CALU: variants seen among roughly 807,000 people sequenced by gnomAD.
The protein encoded by CALU is IEF SSP 9302.
Under a neutral mutation model 37.5 loss-of-function variants are expected in CALU, and 13 were observed. The ratio of observed to expected loss-of-function variants is 0.35; its 90% CI spans 0.23 to 0.55. CALU has a LOEUF of 0.55. CALU is among the 20% of genes least tolerant of loss of function. The pLI is 0.89. For missense variants in CALU, 282 were observed against 391.7 expected, an observed-to-expected ratio of 0.72 and a Z score of 2.36; for synonymous variants, 114 against 133.8, an observed-to-expected ratio of 0.85 and a Z score of 1.02.
chr7:128,759,749 C>G lies in CALU; in HGVS notation c.583-43C>G, dbSNP rs750515187. ...ATACTTTACTTTCTTCTGGCAAATTCAGAGACCAACTTAATAGTCTCTTCT... is the reference window on the plus strand; with the variant it reads ...ATACTTTACTTTCTTCTGGCAAATTGAGAGACCAACTTAATAGTCTCTTCT... On this transcript the variant is annotated intron_variant, in intron 4 of 6. Transcript: ENST00000249364. 9 of 969,450 alleles carry G rather than the reference C, an allele frequency of 9.3e-6. No individual in the cohort carries two copies. The Admixed American group carries it at 1.6e-4, about 17-fold the overall frequency. The allele number at this position is 969,450 out of a possible 1,614,324, so 60.1% of individuals were successfully genotyped here.
chr7:128,764,654 A>T (rs538638571), intron 5 of CALU, among the ~76,000 whole-genome samples: 1 of 152,194 alleles, frequency 6.6e-6, no homozygotes, highest in African/African-American at 2.4e-5. Context: ...TGAAAGTGGC[A>T]TTGTGGGTAT....
chr7:128,765,376 A>G (rs1195257378), intron 5 of CALU, among the ~76,000 whole-genome samples: 1 of 152,112 alleles, frequency 6.6e-6, no homozygotes, highest in African/African-American at 2.4e-5. Context: ...GCATGCTGCC[A>G]TGCCTGGCTA....
In CALU at chr7:128,769,314, C is replaced by T. The variant is rs1292735439; in HGVS notation, c.*147C>T. The T allele has an allele frequency of 7.3e-6, 4 of 545,714 alleles. No homozygotes were observed. The East Asian group carries it at 1.2e-4, about 17-fold the overall frequency. The allele number at this position is 545,714 out of a possible 1,614,324, so 33.8% of individuals were successfully genotyped here. A position where few individuals can be genotyped will look rare whatever the true frequency, so the allele number is the denominator to read the frequency against. On this transcript the variant is annotated 3_prime_UTR_variant, in exon 7 of 7. Coordinates refer to ENST00000249364, the MANE Select transcript of CALU (RefSeq NM_001219.5). ...TGAAAACCATCCCGTCCCCATTCCT[C>T]CTCCTCTCTGAGGGACTGGAGGGAA...
chr7:128,761,686 T>C (rs1192687878), intron 5 of CALU: 6 of 152,358 alleles, frequency 3.9e-5, no homozygotes, highest in South Asian at 2.1e-4. Flanking sequence ...ATATTAGATA[T>C]TTTAATATTT....
At position 128,769,319 on chromosome 7, in the gene CALU, T is replaced by A; in HGVS notation, c.*152T>A. The stretch of plus-strand genomic sequence containing the variant: ...ACCATCCCGTCCCCATTCCTCCTCC[T>A]CTCTGAGGGACTGGAGGGAAGCCGT... On this transcript the variant is annotated 3_prime_UTR_variant, in exon 7 of 7. Transcript: ENST00000249364. 1 of 538,124 alleles carries A rather than the reference T, an allele frequency of 1.9e-6. No individual in the cohort carries two copies. Among genetic ancestry groups the A allele is most frequent in the Non-Finnish European group, 3.3e-6 (1 of 301,780 alleles). 33.3% of individuals were successfully genotyped at this position (538,124 alleles called of 1,614,324 possible).
At chr7:128,762,811 C>T (rs750086492) in intron 5 of CALU, among the ~76,000 whole-genome samples, 10 of 152,050 alleles carry the variant, frequency 6.6e-5, no homozygotes, top group Non-Finnish European at 7.4e-5. Flanking sequence ...GGATTACAGG[C>T]ATGCACCACC....
At chr7:128,758,752 G>A in intron 3 of CALU, 119 bp from the exon 4 acceptor site, 1 of 715,652 alleles carries the variant, frequency 1.4e-6, no homozygotes, top group East Asian at 2.5e-5. Context: ...TTTTACCTGT[G>A]TCATCAATTA....
In CALU at chr7:128,748,615, CCCTGTGCACAG is replaced by C; in HGVS notation, c.36_46del (p.Thr14LeufsTer14). 1.2e-6 allele frequency: 2 copies of C among 1,614,056 alleles called. No individual in the cohort carries two copies. Among genetic ancestry groups the C allele is most frequent in the Non-Finnish European group, 1.7e-6 (2 of 1,179,924 alleles). ...CTGCGACAGTTTCTTATGTGCCTGTCCCTGTGCACAGCCTTTGCCTTGAGCAAACCCACAGA... is the reference window on the plus strand; with the variant it reads ...CTGCGACAGTTTCTTATGTGCCTGTCCCTTTGCCTTGAGCAAACCCACAGA... On this transcript the variant is annotated frameshift_variant, in exon 2 of 7. Transcript: ENST00000249364. LOFTEE classifies it high-confidence loss of function.
chr7:128,751,373 A>C (rs1800668088), intron 2 of CALU, among the ~76,000 whole-genome samples: 1 of 152,066 alleles, frequency 6.6e-6, no homozygotes, highest in Non-Finnish European at 1.5e-5. Flanking sequence ...TCACAGGCCC[A>C]GACCCTTTGG....
chr7:128,741,666 G>A (rs1800245824), intron 1 of CALU, among the ~76,000 whole-genome samples: 1 of 152,166 alleles, frequency 6.6e-6, no homozygotes, highest in African/African-American at 2.4e-5. Flanking sequence ...TGGCACTGAA[G>A]GAAGTTTGAG....
Position 128,767,674 on chromosome 7 carries a change from A to G in CALU, c.843+19A>G, listed in dbSNP as rs1287215626. 1 of 1,600,170 alleles carries G rather than the reference A, an allele frequency of 6.2e-7. No individual in the cohort carries two copies. The highest frequency in any genetic ancestry group is 1.1e-5 in the South Asian group (1 of 90,564). The stretch of plus-strand genomic sequence containing the variant: ...AAACAAGGTAAGTCTGGCGAGGCCC[A>G]CACGCTCTATCCTTGATTGAAGTAT... On this transcript the variant is annotated intron_variant, in intron 6 of 6. Coordinates refer to ENST00000249364, the MANE Select transcript of CALU (RefSeq NM_001219.5).
rs339097 is a variant in CALU, at chr7:128,759,170, A to G, written c.582+133A>G. 8,646 of 621,024 alleles carry G rather than the reference A, an allele frequency of 0.014. 499 individuals are homozygous for G. Among genetic ancestry groups the G allele is most frequent in the African/African-American group, 0.13 (6,827 of 52,632 alleles). 38.5% of individuals were successfully genotyped at this position (621,024 alleles called of 1,614,324 possible). A position where few individuals can be genotyped will look rare whatever the true frequency, so the allele number is the denominator to read the frequency against. ...TATAGCATATCACTGTATATGCTAT[A>G]TAAGTATTGGCCAGATTCAGAATCC... is the stretch of plus-strand genomic sequence containing the variant. On this transcript the variant is annotated intron_variant, in intron 4 of 6. Coordinates refer to ENST00000249364, the MANE Select transcript of CALU (RefSeq NM_001219.5).
chr7:128,758,298 G>T (rs1251617239), intron 3 of CALU, among the ~76,000 whole-genome samples: 1 of 152,122 alleles, frequency 6.6e-6, no homozygotes, highest in African/African-American at 2.4e-5. Context: ...CATTATGTGA[G>T]GTAGAAGGCC....
chr7:128,769,141 G>A lies in CALU; in HGVS notation c.922G>A (p.Ala308Thr). ...VGSQATDFGE[A>T]LVRHDEF ...CAGCCAGGCCACAGATTTTGGGGAG[G>A]CCTTAGTACGGCATGATGAGTTCTG... Residue 308 changes from alanine (A) to threonine (T), a missense_variant, in exon 7 of 7, where the codon GCC (alanine) becomes ACC (threonine). Ala to Thr is a moderately conservative substitution (Grantham distance 58). Coordinates refer to ENST00000249364, the MANE Select transcript of CALU (RefSeq NM_001219.5). The A allele has an allele frequency of 6.2e-7, 1 of 1,605,258 alleles. No individual in the cohort carries two copies. Among genetic ancestry groups the A allele is most frequent in the East Asian group, 2.2e-5 (1 of 44,844 alleles).
chr7:128,754,434 G>A lies in CALU; in HGVS notation c.394G>A (p.Ala132Thr). 2 of 1,613,426 alleles carry A rather than the reference G, an allele frequency of 1.2e-6. No individual in the cohort carries two copies. Among genetic ancestry groups the A allele is most frequent in the Non-Finnish European group, 1.7e-6 (2 of 1,179,754 alleles). Residue 132 changes from alanine to threonine, a missense_variant, in exon 3 of 7, where the codon GCC becomes ACC. Transcript: ENST00000249364. ...CGTTTCCTGGGAGGAGTATAAAAAT[G>A]CCACCTACGGCTACGTTTTAGGTAG... ...GLVSWEEYKN[A>T]TYGYVLDDPD...
intron 2 of CALU, among the ~76,000 whole-genome samples, chr7:128,751,106 G>A (rs1190409153): frequency 6.6e-6 from 1 of 151,518 alleles, no homozygotes; most frequent in Non-Finnish European, 1.5e-5. Flanking sequence ...TGGCCAATAT[G>A]GTGAAATCCC....
rs71162530 is a variant in CALU, at chr7:128,746,762, CT to C, written c.-11-1787del. Among the ~76,000 whole-genome samples the C allele has an allele frequency of 6.4e-4, 78 of 122,620 alleles. No individual in the cohort carries two copies. The East Asian group carries it at 6.5e-3, about 10-fold the overall frequency. 80.4% of individuals were successfully genotyped at this position (122,620 alleles called of 152,430 possible). A position where few individuals can be genotyped will look rare whatever the true frequency, so the allele number is the denominator to read the frequency against. On this transcript the variant is annotated intron_variant, in intron 1 of 6. Coordinates refer to ENST00000249364, the MANE Select transcript of CALU (RefSeq NM_001219.5). ...CCACCACCCCCGGCCTCATGTCATT[CT>C]TTTTTTTTTTTTTTTTTTTTTTTGA...
chr7:128,760,345 A>G lies in CALU; in HGVS notation c.643+493A>G, dbSNP rs144725824. On this transcript the variant is annotated intron_variant, in intron 5 of 6. Transcript: ENST00000249364. ...AAAGTATCCGTAGCCACATTGCCCA[A>G]TCAAAATATAAATGTGAGCCCCATA... is the stretch of plus-strand genomic sequence containing the variant. Among the ~76,000 whole-genome samples, 200 of 152,366 alleles carry G rather than the reference A, an allele frequency of 1.3e-3. 1 individual carries two copies. Among genetic ancestry groups the G allele is most frequent in the African/African-American group, 4.6e-3 (193 of 41,592 alleles).
rs80331440 is a variant in CALU at position 128,743,614 on chromosome 7, C to T, written c.-12+4182C>T. Among the ~76,000 whole-genome samples the T allele has an allele frequency of 3.5e-3, 537 of 151,858 alleles. 4 individuals carry two copies. The highest frequency in any genetic ancestry group is 0.012 in the African/African-American group (516 of 41,386). The stretch of plus-strand genomic sequence containing the variant: ...ATGACTCACTGTAACCTCGTGTCTC[C>T]GGGGCTCAGGCGATCCTCCCACTTC... On this transcript the variant is annotated intron_variant, in intron 1 of 6. Coordinates refer to ENST00000249364, the MANE Select transcript of CALU (RefSeq NM_001219.5).
Sources: allele counts gnomAD v4.1 joint callset (sites outside exome capture counted in the v4.1 genomes callset), GRCh38; gene constraint gnomAD v4.1.1; transcripts MANE v1.5; gene names NCBI Gene and HGNC (gene_info 2026-07-23, HGNC 2026-07-21).